Variants in ABLIM2 observed in about 807,000 individuals in gnomAD.
The protein encoded by ABLIM2 is actin binding LIM protein family member 2, also known as actin-binding LIM protein 2.
ABLIM2 carries 53 observed loss-of-function variants against 97.7 expected under a neutral mutation model. The ratio of observed to expected loss-of-function variants is 0.54; its 90% confidence interval spans 0.44 to 0.68. The LOEUF (loss-of-function observed/expected upper bound fraction) is 0.68. Ranked by LOEUF, ABLIM2 falls within the 30% of genes least tolerant of loss-of-function variation. ABLIM2 has a pLI of 0.00. For synonymous variants in ABLIM2, 361 were observed against 345.8 expected, an observed-to-expected ratio of 1.04 and a Z score of -0.49; for missense variants, 835 against 867.2, an observed-to-expected ratio of 0.96 and a Z score of 0.47.
At chr4:8,047,772 T>C (rs1301938145) in intron 8 of ABLIM2, among the ~76,000 whole-genome samples, 1 of 152,258 alleles carries the variant, frequency 6.6e-6, no homozygotes, top group Non-Finnish European at 1.5e-5. Context: ...GCTTACCGTT[T>C]CTGAGGATTA....
At position 8,068,383 on chromosome 4, in the gene ABLIM2, ACAGGTCCT is replaced by A. The variant is rs2152286840; in HGVS notation, c.676-7337_676-7330del. Among the ~76,000 whole-genome samples the A allele has an allele frequency of 6.6e-6, 1 of 152,306 alleles. No individual in the cohort carries two copies. The highest frequency in any genetic ancestry group is 2.4e-5 in the African/African-American group (1 of 41,568). Reference sequence around the variant, plus strand: ...CAGCCTGTGGTGGCTCAGGGTGACCACAGGTCCTCAGCCAGTGCTGGGTCAGAGGGCAG... The same window carrying A: ...CAGCCTGTGGTGGCTCAGGGTGACCACAGCCAGTGCTGGGTCAGAGGGCAG... On this transcript the variant is annotated intron_variant, in intron 6 of 20. Transcript: ENST00000447017. This position sits in a 1 kb window ranked among gnomAD's most constrained non-coding sequence, Gnocchi z 4.5.
In ABLIM2 at chr4:8,075,959, G is replaced by A. The variant is rs1289063232; in HGVS notation, c.675+1669C>T. ...GAAAGAAAACTGGCCAGAAAGTTAGGCTAACTATGATTGCATAGTCAGTGG... is the reference window on the plus strand; with the variant it reads ...GAAAGAAAACTGGCCAGAAAGTTAGACTAACTATGATTGCATAGTCAGTGG... On this transcript the variant is annotated intron_variant, in intron 6 of 20. Transcript: ENST00000447017. This position sits in a 1 kb window ranked among gnomAD's most constrained non-coding sequence, Gnocchi z 4.4. 6.6e-6 allele frequency among the ~76,000 whole-genome samples: 1 copy of A among 152,196 alleles called. No homozygotes were observed. The highest frequency in any genetic ancestry group is 1.9e-4 in the East Asian group (1 of 5,190).
chr4:8,054,114 T>C lies in ABLIM2; in HGVS notation c.822+74A>G. On this transcript the variant is annotated intron_variant, in intron 8 of 20. Transcript: ENST00000447017. The surrounding 1 kb of genome is among the most constrained non-coding windows in gnomAD (Gnocchi z 4.9). The stretch of plus-strand genomic sequence containing the variant: ...CAATGAGCCTGTAGAATCTGGTCAG[T>C]GTCCTCTTAACTGTACAAAGATGGT... The C allele has an allele frequency of 1.3e-6, 2 of 1,535,716 alleles. No individual in the cohort carries two copies. The highest frequency in any genetic ancestry group is 1.1e-5 in the South Asian group (1 of 89,086).
intron 1 of ABLIM2, among the ~76,000 whole-genome samples, chr4:8,156,122 A>G (rs1245055029): frequency 6.6e-6 from 1 of 152,202 alleles, no homozygotes. Flanking sequence ...ATTTAGGCTC[A>G]GAAGGAGCAC....
At chr4:8,137,717 C>T (rs1414368292) in intron 1 of ABLIM2, among the ~76,000 whole-genome samples, 1 of 152,252 alleles carries the variant, frequency 6.6e-6, no homozygotes, top group African/African-American at 2.4e-5. Flanking sequence ...AATGCCCCCA[C>T]CAAGTGTCAA....
chr4:8,152,707 G>T (rs1370635988), intron 1 of ABLIM2, among the ~76,000 whole-genome samples: 12 of 152,214 alleles, frequency 7.9e-5, no homozygotes, highest in Admixed American at 2.6e-4. Context: ...CATGTGATCA[G>T]CCTCAAGCAC....
chr4:7,996,593 A>G lies in ABLIM2; in HGVS notation c.1619-3666T>C, dbSNP rs1753474657. ...TTCTGCTTCAACCATCCAATGTGAT[A>G]TAAGAATATGATTCTTTCCAAGAAG... On this transcript the variant is annotated intron_variant, in intron 16 of 20. Coordinates refer to ENST00000447017, the MANE Select transcript of ABLIM2 (RefSeq NM_001130083.2). The surrounding 1 kb of genome is among the most constrained non-coding windows in gnomAD (Gnocchi z 4.5). 6.6e-6 allele frequency among the ~76,000 whole-genome samples: 1 copy of G among 152,252 alleles called. No homozygotes were observed. Among genetic ancestry groups the G allele is most frequent in the Non-Finnish European group, 1.5e-5 (1 of 68,050 alleles).
In ABLIM2 at chr4:8,132,550, C is replaced by A. The variant is rs995377121; in HGVS notation, c.11-25913G>T. Among the ~76,000 whole-genome samples, 1 of 152,186 alleles carries A rather than the reference C, an allele frequency of 6.6e-6. No homozygotes were observed. Among genetic ancestry groups the A allele is most frequent in the Non-Finnish European group, 1.5e-5 (1 of 68,032 alleles). Reference sequence around the variant, plus strand: ...AGTGCTGGATGCCTCCGTGGGGATGCTCCAGGCACCTCACGGTCAGAAAAC... The same window carrying A: ...AGTGCTGGATGCCTCCGTGGGGATGATCCAGGCACCTCACGGTCAGAAAAC... On this transcript the variant is annotated intron_variant, in intron 1 of 20. Transcript: ENST00000447017. This position sits in a 1 kb window ranked among gnomAD's most constrained non-coding sequence, Gnocchi z 8.0.
Position 8,127,549 on chromosome 4 carries a change from G to T in ABLIM2, c.11-20912C>A. On this transcript the variant is annotated intron_variant, in intron 1 of 20. Coordinates refer to ENST00000447017, the MANE Select transcript of ABLIM2 (RefSeq NM_001130083.2). This position sits in a 1 kb window ranked among gnomAD's most constrained non-coding sequence, Gnocchi z 7.3. ...AAAAGCGCAGTTTGGGGATTTACCT[G>T]TGTCTCCCCCTGGCACCCCCATGGA... The T allele has an allele frequency of 1.6e-6, 2 of 1,289,806 alleles. No homozygotes were observed. The highest frequency in any genetic ancestry group is 1.0e-6 in the Non-Finnish European group (1 of 988,852). 79.9% of individuals were successfully genotyped at this position (1,289,806 alleles called of 1,614,324 possible).
chr4:8,034,342 C>T (rs1196281434), intron 10 of ABLIM2, among the ~76,000 whole-genome samples: 1 of 143,204 alleles, frequency 7.0e-6, no homozygotes, highest in African/African-American at 2.6e-5. Context: ...CACATGGGTG[C>T]AGGTAGGTGG....
intron 4 of ABLIM2, among the ~76,000 whole-genome samples, chr4:8,084,651 G>A (rs1362561401): frequency 6.6e-6 from 1 of 152,224 alleles, no homozygotes; most frequent in Non-Finnish European, 1.5e-5. Flanking sequence ...TCCAGGGGAT[G>A]GAGCTAAAGA....
chr4:8,015,986 C>T lies in ABLIM2; in HGVS notation c.1423+3632G>A, dbSNP rs111235833. Among the ~76,000 whole-genome samples the T allele has an allele frequency of 0.01, 1,538 of 151,128 alleles. 23 individuals carry two copies. Among genetic ancestry groups the T allele is most frequent in the African/African-American group, 0.035 (1,449 of 41,112 alleles). ...TTATAAGTTCAAATCAGATATGAGA[C>T]GATCGTAAGCTACTATTCCTGTCTG... is the stretch of plus-strand genomic sequence containing the variant. On this transcript the variant is annotated intron_variant, in intron 14 of 20. Coordinates refer to ENST00000447017, the MANE Select transcript of ABLIM2 (RefSeq NM_001130083.2). This position sits in a 1 kb window ranked among gnomAD's most constrained non-coding sequence, Gnocchi z 4.6.
intron 1 of ABLIM2, among the ~76,000 whole-genome samples, chr4:8,154,149 A>T (rs970776088): frequency 2.0e-5 from 3 of 151,108 alleles, no homozygotes; most frequent in Non-Finnish European, 4.4e-5. Flanking sequence ...TTTTTAGTAG[A>T]GATGGGGTTT....
chr4:8,105,838 C>T (rs1044202102), intron 2 of ABLIM2, among the ~76,000 whole-genome samples: 10 of 152,208 alleles, frequency 6.6e-5, no homozygotes, highest in Non-Finnish European at 1.0e-4. Context: ...TTAGCAAGGG[C>T]ACATGCGTTA....
At chr4:8,050,136 C>T (rs1276216853) in intron 8 of ABLIM2, among the ~76,000 whole-genome samples, 1 of 152,220 alleles carries the variant, frequency 6.6e-6, no homozygotes, top group Non-Finnish European at 1.5e-5. Context: ...ATTGATGTCT[C>T]GTGTCTTCCT....
chr4:8,096,718 G>A (rs11930537), intron 3 of ABLIM2, among the ~76,000 whole-genome samples: 6,311 of 152,324 alleles, frequency 0.041, 413 homozygotes, highest in African/African-American at 0.14. Context: ...TCAGGGGCTG[G>A]GGAGGGAAGG....
rs1760794791 is a variant in ABLIM2, at chr4:8,005,672, C to T, written c.1618+2387G>A. ...CCAGGCACAGCCGGCAGTCTGGGTCCTCGCTGCCATTTCCATGCAAATCGG... is the reference window on the plus strand; with the variant it reads ...CCAGGCACAGCCGGCAGTCTGGGTCTTCGCTGCCATTTCCATGCAAATCGG... On this transcript the variant is annotated intron_variant, in intron 16 of 20. Transcript: ENST00000447017. This position sits in a 1 kb window ranked among gnomAD's most constrained non-coding sequence, Gnocchi z 4.9. Among the ~76,000 whole-genome samples the T allele has an allele frequency of 6.6e-6, 1 of 152,258 alleles. No individual in the cohort carries two copies.
intron 1 of ABLIM2, among the ~76,000 whole-genome samples, chr4:8,157,107 T>A (rs926151773): frequency 6.6e-6 from 1 of 152,148 alleles, no homozygotes; most frequent in African/African-American, 2.4e-5. Context: ...GAAGCCAAGC[T>A]CTGGAAGGTG....
Position 8,120,314 on chromosome 4 carries a change from G to A in ABLIM2, c.11-13677C>T, listed in dbSNP as rs191366187. 1.8e-4 allele frequency among the ~76,000 whole-genome samples: 28 copies of A among 152,308 alleles called. No individual in the cohort carries two copies. The highest frequency in any genetic ancestry group is 2.8e-4 in the Non-Finnish European group (19 of 68,036). ...TCGGCAAGTGACTGTGTTCGGAGAC[G>A]GGGCCTTCAAAGGTGTCGTTATGGT... On this transcript the variant is annotated intron_variant, in intron 1 of 20. Transcript: ENST00000447017. This position sits in a 1 kb window ranked among gnomAD's most constrained non-coding sequence, Gnocchi z 5.6.
Sources: gnomAD v4.1 joint callset for allele counts (sites outside exome capture counted in the v4.1 genomes callset) on GRCh38, gnomAD v4.1.1 for gene constraint, Gnocchi (gnomAD v3.1) non-coding constraint, MANE v1.5 for transcripts, NCBI Gene and HGNC (gene_info 2026-07-23, HGNC 2026-07-21) for gene names.